EEF1AKMT3: variants seen among roughly 807,000 people sequenced by gnomAD.
EEF1AKMT3 encodes the protein EEF1A lysine methyltransferase 3.
EEF1AKMT3 carries 17 observed loss-of-function variants against 17.8 expected under a neutral mutation model. That is an observed-to-expected ratio of 0.96 (90% CI 0.65 to 1.43). The LOEUF (loss-of-function observed/expected upper bound fraction) is 1.43, where lower values mean the gene tolerates loss of function less well. EEF1AKMT3 is among the 40% of genes most tolerant of loss of function. The probability of loss-of-function intolerance (pLI) is 0.00; values close to 1 mark genes in which losing one functional copy is unlikely to be tolerated. For missense variants in EEF1AKMT3, 244 were observed against 285.8 expected (o/e 0.85, Z 1.06); for synonymous variants, 116 against 126.5 (o/e 0.92, Z 0.56).
At position 57,780,802 on chromosome 12, in the gene EEF1AKMT3, T is replaced by G. The variant is rs1208693591; in HGVS notation, c.*156T>G. The G allele has an allele frequency of 1.8e-5, 18 of 1,028,510 alleles. No individual in the cohort carries two copies. The highest frequency in any genetic ancestry group is 1.4e-6 in the Non-Finnish European group (1 of 724,970). 63.7% of individuals were successfully genotyped at this position (1,028,510 alleles called of 1,614,324 possible). On this transcript the variant is annotated 3_prime_UTR_variant, in exon 3 of 3. Transcript: ENST00000300209. ...CTTCCCTCTTTGTTACCCCAGATAC[T>G]CTTGGGCAGGTGCAGTGAGGTGCCT...
At chr12:57,778,019 C>G (rs1224010483) in intron 2 of EEF1AKMT3, among the ~76,000 whole-genome samples, 1 of 85,448 alleles carries the variant, frequency 1.2e-5, no homozygotes. Context: ...GACTCCATCT[C>G]AAAAAAAAAA....
intron 2 of EEF1AKMT3, among the ~76,000 whole-genome samples, chr12:57,773,584 T>C (rs1955460511): frequency 6.6e-6 from 1 of 152,164 alleles, no homozygotes; most frequent in Non-Finnish European, 1.5e-5. Context: ...TGCGCTACCA[T>C]ACCCGGCTAC....
Position 57,773,129 on chromosome 12 carries a change from G to A in EEF1AKMT3, c.289+1G>A, listed in dbSNP as rs766086319. 3 of 1,614,088 alleles carry A rather than the reference G, an allele frequency of 1.9e-6. No individual in the cohort carries two copies. Among genetic ancestry groups the A allele is most frequent in the Non-Finnish European group, 2.5e-6 (3 of 1,179,958 alleles). On this transcript the variant is annotated splice_donor_variant, in intron 2 of 2. Coordinates refer to ENST00000300209, the MANE Select transcript of EEF1AKMT3 (RefSeq NM_015433.3). LOFTEE classifies it high-confidence loss of function. ...GTGGGGATCTTGGCAGCGCTGCAGGGTGCGTGAGCTGGCTTTTTACGGGAG... is the reference window on the plus strand; with the variant it reads ...GTGGGGATCTTGGCAGCGCTGCAGGATGCGTGAGCTGGCTTTTTACGGGAG...
intron 2 of EEF1AKMT3, among the ~76,000 whole-genome samples, chr12:57,775,317 T>G (rs948803876): frequency 3.3e-5 from 5 of 152,006 alleles, no homozygotes; most frequent in East Asian, 3.9e-4. Flanking sequence ...GATGTCATCT[T>G]GTCCCTCACT....
chr12:57,773,673 G>T (rs1245721746), intron 2 of EEF1AKMT3, among the ~76,000 whole-genome samples: 1 of 152,076 alleles, frequency 6.6e-6, no homozygotes, highest in Non-Finnish European at 1.5e-5. Context: ...TGATCCATCT[G>T]CCTCGCGAGG....
At chr12:57,775,013 G>A (rs756537610) in intron 2 of EEF1AKMT3, among the ~76,000 whole-genome samples, 2 of 149,624 alleles carry the variant, frequency 1.3e-5, no homozygotes, top group African/African-American at 2.5e-5. Context: ...GCTGAGAAAG[G>A]AGAATTGCTT....
At position 57,772,712 on chromosome 12, in the gene EEF1AKMT3, CTT is replaced by C; in HGVS notation, c.-12_-11del. The stretch of plus-strand genomic sequence containing the variant: ...GCCGGCCGCGGTGCCCAGGCACTCC[CTT>C]GGCGGGCCGGATGGCGGACCCCGGC... On this transcript the variant is annotated 5_prime_UTR_variant, in exon 1 of 3. Coordinates refer to ENST00000300209, the MANE Select transcript of EEF1AKMT3 (RefSeq NM_015433.3). This position sits in a 1 kb window ranked among gnomAD's most constrained non-coding sequence, Gnocchi z 4.1. The C allele has an allele frequency of 6.2e-7, 1 of 1,610,042 alleles. No homozygotes were observed.
chr12:57,780,774 CTCCT>C lies in EEF1AKMT3; in HGVS notation c.*132_*135del. 2 of 1,258,650 alleles carry C rather than the reference CTCCT, an allele frequency of 1.6e-6. No individual in the cohort carries two copies. Among genetic ancestry groups the C allele is most frequent in the Non-Finnish European group, 2.2e-6 (2 of 923,008 alleles). 78.0% of individuals were successfully genotyped at this position (1,258,650 alleles called of 1,614,324 possible). The stretch of plus-strand genomic sequence containing the variant: ...GATTTCCCTGGCCTCTCTCACTTTC[CTCCT>C]TCCCTCTTTGTTACCCCAGATACTC... On this transcript the variant is annotated 3_prime_UTR_variant, in exon 3 of 3. Coordinates refer to ENST00000300209, the MANE Select transcript of EEF1AKMT3 (RefSeq NM_015433.3).
intron 2 of EEF1AKMT3, among the ~76,000 whole-genome samples, chr12:57,775,128 A>G (rs1365935475): frequency 6.6e-6 from 1 of 150,924 alleles, no homozygotes; most frequent in Admixed American, 6.6e-5. Flanking sequence ...AAAAAAAAAA[A>G]AAAAGAAACA....
In EEF1AKMT3 at chr12:57,780,689, G is replaced by C; in HGVS notation, c.*43G>C. 2 of 1,593,590 alleles carry C rather than the reference G, an allele frequency of 1.3e-6. No individual in the cohort carries two copies. The highest frequency in any genetic ancestry group is 1.7e-6 in the Non-Finnish European group (2 of 1,177,860). ...TTCTCAATCTCTTGCTCTAATGAAG[G>C]AACTGTGTATCTCAAAAACCATATT... On this transcript the variant is annotated 3_prime_UTR_variant, in exon 3 of 3. Coordinates refer to ENST00000300209, the MANE Select transcript of EEF1AKMT3 (RefSeq NM_015433.3).
At chr12:57,774,568 C>T in intron 2 of EEF1AKMT3, 1 of 776,090 alleles carries the variant, frequency 1.3e-6, no homozygotes, top group East Asian at 2.7e-5. Context: ...CCCTATGTAC[C>T]AAGAATCATG....
chr12:57,780,080 G>T (rs2140410176), intron 2 of EEF1AKMT3, among the ~76,000 whole-genome samples, 175 bp from the exon 3 acceptor site: 1 of 152,338 alleles, frequency 6.6e-6, no homozygotes. Flanking sequence ...AGAATGTAGA[G>T]TAATGAGAAT....
Position 57,772,788 on chromosome 12 carries a change from C to T in EEF1AKMT3, c.64C>T (p.Leu22Phe). The T allele has an allele frequency of 1.2e-6, 2 of 1,614,154 alleles. No individual in the cohort carries two copies. The highest frequency in any genetic ancestry group is 1.7e-6 in the Non-Finnish European group (2 of 1,179,990). ...SESVFPREVG[L>F]FADSYSEKSQ... ...ATCGGTGTTCCCGCGGGAGGTCGGG[C>T]TCTTTGCAGACTCTTACTCGGAGAA... Residue 22 changes from leucine to phenylalanine, a missense_variant, in exon 1 of 3, where the codon CTC becomes TTC. Leu to Phe is a conservative substitution (Grantham distance 22). Coordinates refer to ENST00000300209, the MANE Select transcript of EEF1AKMT3 (RefSeq NM_015433.3). The surrounding 1 kb of genome is among the most constrained non-coding windows in gnomAD (Gnocchi z 4.1).
chr12:57,780,765 C>T lies in EEF1AKMT3; in HGVS notation c.*119C>T. ...AAAAGGATGGATTTCCCTGGCCTCT[C>T]TCACTTTCCTCCTTCCCTCTTTGTT... On this transcript the variant is annotated 3_prime_UTR_variant, in exon 3 of 3. Transcript: ENST00000300209. 6.0e-6 allele frequency: 8 copies of T among 1,323,084 alleles called. No homozygotes were observed. The highest frequency in any genetic ancestry group is 8.2e-6 in the Non-Finnish European group (8 of 975,588). 82.0% of individuals were successfully genotyped at this position (1,323,084 alleles called of 1,614,324 possible).
chr12:57,776,440 T>C (rs1955480709), intron 2 of EEF1AKMT3, among the ~76,000 whole-genome samples: 1 of 152,240 alleles, frequency 6.6e-6, no homozygotes, highest in South Asian at 2.1e-4. Flanking sequence ...TACACAACTG[T>C]GCTAACTGGG....
At position 57,780,335 on chromosome 12, in the gene EEF1AKMT3, G is replaced by A. The variant is rs1243703036; in HGVS notation, c.370G>A (p.Gly124Ser). Reference protein sequence around the residue: ...GNVQANVPAGGQAQVRALSWG... With the variant: ...GNVQANVPAGSQAQVRALSWG... ...CGTCCAGGCCAATGTGCCAGCTGGA[G>A]GCCAGGCCCAGGTGCGTGCCTTGTC... Residue 124 changes from glycine to serine, a missense_variant, in exon 3 of 3, where the codon GGC (glycine) becomes AGC (serine). Transcript: ENST00000300209. 6.2e-7 allele frequency: 1 copy of A among 1,614,176 alleles called. No homozygotes were observed. The highest frequency in any genetic ancestry group is 1.1e-5 in the South Asian group (1 of 91,086).
chr12:57,773,753 C>T lies in EEF1AKMT3; in HGVS notation c.289+625C>T, dbSNP rs550290448. 2.6e-5 allele frequency among the ~76,000 whole-genome samples: 4 copies of T among 152,274 alleles called. No individual in the cohort carries two copies. The South Asian group carries it at 8.3e-4, about 32-fold the overall frequency. ...ACTCTTTGTGATTTTATGGAGAATACTGTCACTTAAAAGCGCCTTGGCTTT... is the reference window on the plus strand; with the variant it reads ...ACTCTTTGTGATTTTATGGAGAATATTGTCACTTAAAAGCGCCTTGGCTTT... On this transcript the variant is annotated intron_variant, in intron 2 of 2. Transcript: ENST00000300209.
At chr12:57,774,949 TACA>T (rs1955470596) in intron 2 of EEF1AKMT3, among the ~76,000 whole-genome samples, 1 of 151,384 alleles carries the variant, frequency 6.6e-6, no homozygotes, top group African/African-American at 2.4e-5. Flanking sequence ...CTACTAAAAA[TACA>T]ACATTAGCCG....
At position 57,772,984 on chromosome 12, in the gene EEF1AKMT3, C is replaced by T. The variant is rs755153837; in HGVS notation, c.178-33C>T. 3.1e-6 allele frequency: 5 copies of T among 1,613,946 alleles called. No individual in the cohort carries two copies. The highest frequency in any genetic ancestry group is 3.3e-5 in the Admixed American group (2 of 60,026). On this transcript the variant is annotated intron_variant, in intron 1 of 2. Coordinates refer to ENST00000300209, the MANE Select transcript of EEF1AKMT3 (RefSeq NM_015433.3). This position sits in a 1 kb window ranked among gnomAD's most constrained non-coding sequence, Gnocchi z 4.1. Reference sequence around the variant, plus strand: ...CCTCTCCCATATGGAGCCATCCTCACGACTGTCTTTTTCTCTGTCTTTTCT... The same window carrying T: ...CCTCTCCCATATGGAGCCATCCTCATGACTGTCTTTTTCTCTGTCTTTTCT...
Sources: allele counts gnomAD v4.1 joint callset (sites outside exome capture counted in the v4.1 genomes callset), GRCh38; gene constraint gnomAD v4.1.1; non-coding constraint Gnocchi (gnomAD v3.1); transcripts MANE v1.5; gene names NCBI Gene and HGNC (gene_info 2026-07-23, HGNC 2026-07-21).